RBFOX2: variants seen among roughly 807,000 people sequenced by gnomAD.
RBFOX2 encodes the protein RNA binding protein fox-1 homolog 2.
A neutral mutation model predicts 49.1 loss-of-function variants in RBFOX2; 10 were observed. The observed-to-expected ratio is 0.20, with a 90% CI of 0.13 to 0.35. The LOEUF is 0.35. RBFOX2 is among the 10% of genes least tolerant of loss of function. The pLI is 1.00. For missense variants in RBFOX2, 323 were observed against 486.9 expected (o/e 0.66, Z 3.17); for synonymous variants, 183 against 187.4 (o/e 0.98, Z 0.19).
chr22:35,917,629 C>T (rs1349409539), intron 1 of RBFOX2, among the ~76,000 whole-genome samples: 3 of 152,036 alleles, frequency 2.0e-5, no homozygotes, highest in Non-Finnish European at 2.9e-5. Flanking sequence ...ATTATAATCA[C>T]GTAGTCATGA....
chr22:35,882,612 A>G (rs1409798358), intron 1 of RBFOX2, among the ~76,000 whole-genome samples: 3 of 152,194 alleles, frequency 2.0e-5, no homozygotes. Flanking sequence ...GAGAGGGAAG[A>G]GAATTGCTGG....
At chr22:35,841,773 T>C (rs111821861), upstream of RBFOX2, among the ~76,000 whole-genome samples, 5,875 of 152,222 alleles carry the variant, frequency 0.039, 150 homozygotes, top group Middle Eastern at 0.048. Context: ...CAACACGAGC[T>C]CTCCATTTAA....
chr22:35,974,623 G>A (rs1034413881), intron 1 of RBFOX2, among the ~76,000 whole-genome samples: 2 of 152,136 alleles, frequency 1.3e-5, no homozygotes, highest in Non-Finnish European at 2.9e-5. Context: ...GGAGGCAGAG[G>A]TTGTGGTGAG....
intron 1 of RBFOX2, among the ~76,000 whole-genome samples, chr22:35,862,044 C>T (rs192281394): frequency 6.6e-6 from 1 of 152,190 alleles, no homozygotes; most frequent in Non-Finnish European, 1.5e-5. Context: ...TTGTATGAGT[C>T]CATTTTTATA....
intron 1 of RBFOX2, among the ~76,000 whole-genome samples, chr22:35,831,341 G>T (rs1302116671): frequency 6.6e-6 from 1 of 152,116 alleles, no homozygotes; most frequent in Non-Finnish European, 1.5e-5. Context: ...GCTGAGGCAG[G>T]AGAATGGCGT....
intron 1 of RBFOX2, chr22:35,824,269 T>C (rs1955174937): frequency 6.6e-6 from 1 of 152,134 alleles, no homozygotes; most frequent in Non-Finnish European, 1.5e-5. Context: ...CAGAAAAGAT[T>C]TGCAAGGGTC....
At chr22:36,007,723 A>C (rs942387747) in intron 1 of RBFOX2, among the ~76,000 whole-genome samples, 4 of 152,168 alleles carry the variant, frequency 2.6e-5, no homozygotes, top group African/African-American at 9.7e-5. Context: ...TTCCTGGCAG[A>C]GTCTATGCAC....
At chr22:35,839,135 A>C (rs1958242406) in intron 1 of RBFOX2, among the ~76,000 whole-genome samples, 1 of 152,256 alleles carries the variant, frequency 6.6e-6, no homozygotes, top group African/African-American at 2.4e-5. Flanking sequence ...ACTGATCTTA[A>C]GTCTGAGACT....
At chr22:35,904,934 T>C (rs917363410) in intron 1 of RBFOX2, among the ~76,000 whole-genome samples, 1 of 152,170 alleles carries the variant, frequency 6.6e-6, no homozygotes, top group Non-Finnish European at 1.5e-5. Flanking sequence ...TCATAATGGA[T>C]AGGGCAGACA....
chr22:35,876,705 C>CAT (rs200059140), intron 1 of RBFOX2, among the ~76,000 whole-genome samples: 212 of 137,212 alleles, frequency 1.5e-3, no homozygotes, highest in African/African-American at 5.6e-3. Context: ...AAAAGAAACA[C>CAT]ACACACACAC....
chr22:35,905,304 AATAG>A (rs2049005472), intron 1 of RBFOX2, among the ~76,000 whole-genome samples: 1 of 152,156 alleles, frequency 6.6e-6, no homozygotes, highest in South Asian at 2.1e-4. Flanking sequence ...AAGCAGGTAA[AATAG>A]ATAGATGATA....
At chr22:36,026,250 C>G (rs1278879315) in intron 1 of RBFOX2, among the ~76,000 whole-genome samples, 1 of 142,178 alleles carries the variant, frequency 7.0e-6, no homozygotes, top group East Asian at 2.0e-4. Context: ...GCACTCCAGC[C>G]TGGGCAAAAA....
upstream of RBFOX2, among the ~76,000 whole-genome samples, chr22:35,939,673 A>G (rs910426264): frequency 1.3e-5 from 2 of 152,176 alleles, no homozygotes; most frequent in Non-Finnish European, 2.9e-5. Context: ...TAAACCACTA[A>G]GTCAAGATCC....
chr22:36,028,390 C>G, exon 1 of RBFOX2: 2 of 1,272,380 alleles, frequency 1.6e-6, no homozygotes, highest in Non-Finnish European at 2.0e-6. Context: ...CGGGCCCGAG[C>G]TGAGGCGGCT....
intron 1 of RBFOX2, among the ~76,000 whole-genome samples, chr22:36,022,185 A>G (rs1414465337): frequency 6.6e-6 from 1 of 152,252 alleles, no homozygotes; most frequent in East Asian, 1.9e-4. Flanking sequence ...CCTGACATCA[A>G]ACTGAAGGCC....
intron 1 of RBFOX2, chr22:35,995,063 G>C (rs923604923): frequency 6.6e-6 from 1 of 152,224 alleles, no homozygotes; most frequent in African/African-American, 2.4e-5. Context: ...TGAAAGAAAA[G>C]AAAGAGGGAA....
chr22:35,885,851 T>A lies in RBFOX2; in HGVS notation c.-34+52996A>T, dbSNP rs898621616. 5.3e-4 allele frequency among the ~76,000 whole-genome samples: 63 copies of A among 118,640 alleles called. 1 individual carries two copies. The East Asian group carries it at 0.014, about 27-fold the overall frequency. The allele number at this position is 118,640 out of a possible 152,430, so 77.8% of individuals were successfully genotyped here. A position where few individuals can be genotyped will look rare whatever the true frequency, so the allele number is the denominator to read the frequency against. On this transcript the variant is annotated intron_variant, in intron 1 of 13. Coordinates refer to the RBFOX2 transcript ENST00000359369. ...AGTGAAACCCAAACCTAATTTTTTT[T>A]TTTTTTTTTTTTTTTTTTTTTTTGA...
intron 1 of RBFOX2, among the ~76,000 whole-genome samples, chr22:35,925,456 C>T (rs2051514766): frequency 6.6e-6 from 1 of 152,070 alleles, no homozygotes; most frequent in African/African-American, 2.4e-5. Flanking sequence ...CTTACTTGAG[C>T]CCAGGAGTTC....
At chr22:35,843,122 G>A (rs948349436), upstream of RBFOX2, among the ~76,000 whole-genome samples, 1 of 152,192 alleles carries the variant, frequency 6.6e-6, no homozygotes, top group Non-Finnish European at 1.5e-5. Flanking sequence ...CCAAGAGAGA[G>A]AAGAGCAATT....
Sources: allele counts gnomAD v4.1 joint callset (sites outside exome capture counted in the v4.1 genomes callset), GRCh38; gene constraint gnomAD v4.1.1; transcripts MANE v1.5; gene names NCBI Gene and HGNC (gene_info 2026-07-23, HGNC 2026-07-21).